COL6A5: variants seen among roughly 807,000 people sequenced by gnomAD.
COL6A5 encodes the protein collagen type VI alpha 5 chain, also known as collagen alpha-5(VI) chain.
Under a neutral mutation model 65.6 loss-of-function variants are expected in COL6A5, and 48 were observed. The ratio of observed to expected loss-of-function variants is 0.73; its 90% CI spans 0.58 to 0.93. The LOEUF (loss-of-function observed/expected upper bound fraction) is 0.93, where lower values mean the gene tolerates loss of function less well. COL6A5 is among the 40% of genes least tolerant of loss of function. COL6A5 has a pLI of 0.00. For synonymous variants in COL6A5, 291 were observed against 322.8 expected (o/e 0.90, Z 1.05); for missense variants, 914 against 928.3 (o/e 0.98, Z 0.20).
intron 6 of COL6A5, among the ~76,000 whole-genome samples, chr3:130,470,494 A>G (rs1011274046): frequency 1.6e-4 from 25 of 152,006 alleles, no homozygotes; most frequent in African/African-American, 5.8e-4. Flanking sequence ...TTCAATAGCT[A>G]ATAGAGTCTT....
chr3:130,424,331 T>C (rs905099349), intron 29 of COL6A5, among the ~76,000 whole-genome samples: 3 of 152,098 alleles, frequency 2.0e-5, no homozygotes, highest in Non-Finnish European at 2.9e-5. Flanking sequence ...TTTGGAAATA[T>C]AGGCGCAACT....
rs757096497 is a variant in COL6A5, at chr3:130,416,835, G to GT, written c.4887+22dup. ...GGGGAAAAAAGTAGATATTATTTCT[G>GT]TTTTTTAATTCTTTTAAAAACATAT... On this transcript the variant is annotated intron_variant and NMD_transcript_variant, in intron 24 of 41. Coordinates refer to the COL6A5 transcript ENST00000312481. The GT allele has an allele frequency of 4.4e-6, 6 of 1,378,860 alleles. No homozygotes were observed. In the African/African-American group the frequency reaches 7.3e-5, roughly 17 times the overall value. 85.4% of individuals were successfully genotyped at this position (1,378,860 alleles called of 1,614,324 possible).
At chr3:130,388,093 A>G (rs547711886) in intron 5 of COL6A5, among the ~76,000 whole-genome samples, 211 of 152,146 alleles carry the variant, frequency 1.4e-3, no homozygotes, top group Non-Finnish European at 2.1e-3. Flanking sequence ...ATATTGATTT[A>G]TAGTGTTTAT....
intron 3 of COL6A5, among the ~76,000 whole-genome samples, chr3:130,377,388 A>G (rs1327551507): frequency 6.6e-6 from 1 of 152,210 alleles, no homozygotes; most frequent in Non-Finnish European, 1.5e-5. Context: ...TCTTTCCTTC[A>G]CCATCTTGTT....
chr3:130,423,841 A>C, exon 29 of COL6A5: 2 of 1,549,106 alleles, frequency 1.3e-6, no homozygotes, highest in Non-Finnish European at 1.7e-6. Context: ...TCTGCAGCTC[A>C]CTGTAGGCTT....
intron 5 of COL6A5, among the ~76,000 whole-genome samples, chr3:130,461,247 T>TA (rs1165708729): frequency 2.0e-5 from 3 of 151,668 alleles, no homozygotes; most frequent in East Asian, 3.9e-4. Flanking sequence ...TGAGTTCAGT[T>TA]AAAAAAAAGT....
At chr3:130,345,918 C>G (rs1934452036) in exon 1 of COL6A5, 4 of 398,688 alleles carry the variant, frequency 1.0e-5, no homozygotes, top group East Asian at 3.6e-5. Flanking sequence ...TCGGTGCAGC[C>G]TCTTCTGGAG....
At chr3:130,384,767 G>T in intron 4 of COL6A5, 37 bp from the exon 5 acceptor site, 4 of 1,458,136 alleles carry the variant, frequency 2.7e-6, no homozygotes, top group Non-Finnish European at 3.7e-6. Flanking sequence ...GTTCTCTCTA[G>T]GTTCTCTAAT....
intron 3 of COL6A5, among the ~76,000 whole-genome samples, chr3:130,377,738 A>G (rs1372411903): frequency 6.6e-6 from 1 of 152,108 alleles, no homozygotes; most frequent in Non-Finnish European, 1.5e-5. Context: ...CAGTTTCCTT[A>G]CCTGTAAAGT....
At chr3:130,444,300 AG>A (rs1709257597) in intron 4 of COL6A5, among the ~76,000 whole-genome samples, 1 of 152,112 alleles carries the variant, frequency 6.6e-6, no homozygotes, top group Non-Finnish European at 1.5e-5. Flanking sequence ...CATCCTCCTC[AG>A]CTTACGAGAT....
At chr3:130,437,203 A>G (rs145506622) in intron 1 of COL6A5, among the ~76,000 whole-genome samples, 234 of 152,244 alleles carry the variant, frequency 1.5e-3, no homozygotes, top group African/African-American at 5.5e-3. Context: ...AAAAGTGCAT[A>G]TATGTACATA....
chr3:130,417,232 G>C (rs1384646301), intron 24 of COL6A5, among the ~76,000 whole-genome samples: 1 of 152,052 alleles, frequency 6.6e-6, no homozygotes, highest in African/African-American at 2.4e-5. Flanking sequence ...ATGGCTTCCA[G>C]CTTCATCCAT....
chr3:130,434,870 T>C (rs1559901748), intron 1 of COL6A5, among the ~76,000 whole-genome samples: 2 of 152,178 alleles, frequency 1.3e-5, no homozygotes. Flanking sequence ...TTGCAAAAAT[T>C]TTCTCCATTT....
At chr3:130,418,056 A>C (rs1190130352) in intron 24 of COL6A5, among the ~76,000 whole-genome samples, 3 of 152,172 alleles carry the variant, frequency 2.0e-5, no homozygotes, top group Non-Finnish European at 4.4e-5. Flanking sequence ...TAAAGCAAAA[A>C]TAAAAAAGGA....
At chr3:130,358,050 G>A (rs367703237) in intron 1 of COL6A5, among the ~76,000 whole-genome samples, 20 of 151,726 alleles carry the variant, frequency 1.3e-4, no homozygotes, top group East Asian at 1.2e-3. Context: ...TTAGCCGGGC[G>A]TGGTGGCGGG....
chr3:130,390,888 G>A (rs931285529), intron 6 of COL6A5, among the ~76,000 whole-genome samples: 2 of 152,164 alleles, frequency 1.3e-5, no homozygotes, highest in Non-Finnish European at 1.5e-5. Context: ...GACATTACAT[G>A]TCCTAATGAG....
intron 1 of COL6A5, among the ~76,000 whole-genome samples, chr3:130,433,980 C>CAA (rs71158193): frequency 2.7e-5 from 4 of 148,318 alleles, no homozygotes; most frequent in South Asian, 2.1e-4. Context: ...AAAACAAAAA[C>CAA]AAAAAAAACA....
chr3:130,409,334 A>G, exon 18 of COL6A5: 1 of 1,543,114 alleles, frequency 6.5e-7, no homozygotes, highest in Middle Eastern at 1.7e-4. Context: ...AGGGCAGCCC[A>G]GGTTCCAGAG....
At chr3:130,436,739 C>A (rs1338174263) in intron 1 of COL6A5, among the ~76,000 whole-genome samples, 1 of 151,936 alleles carries the variant, frequency 6.6e-6, no homozygotes, top group Non-Finnish European at 1.5e-5. Context: ...TTTCTCTTAC[C>A]TCATTAATTG....
Sources: allele counts gnomAD v4.1 joint callset (sites outside exome capture counted in the v4.1 genomes callset), GRCh38; gene constraint gnomAD v4.1.1; transcripts MANE v1.5; gene names NCBI Gene and HGNC (gene_info 2026-07-23, HGNC 2026-07-21).